WFS1: variants seen among roughly 807,000 people sequenced by gnomAD.
WFS1 encodes wolframin.
Under a neutral mutation model 68.5 loss-of-function variants are expected in WFS1, and 90 were observed. That is an observed-to-expected ratio of 1.31 (90% CI 1.11 to 1.56). The LOEUF (loss-of-function observed/expected upper bound fraction) is 1.56. Among genes scored for constraint, WFS1 ranks in the 40% most tolerant of loss-of-function variants. WFS1 has a pLI of 0.00. For missense variants in WFS1, 1,767 were observed against 1,232.6 expected (o/e 1.43, Z -6.49); for synonymous variants, 860 against 540.7 (o/e 1.59, Z -8.19).
At position 6,300,959 on chromosome 4, in the gene WFS1, G is replaced by T; in HGVS notation, c.1164G>T (p.Leu388=). The T allele has an allele frequency of 6.2e-7, 1 of 1,614,012 alleles. No individual in the cohort carries two copies. Among genetic ancestry groups the T allele is most frequent in the African/African-American group, 1.3e-5 (1 of 75,034 alleles). Residue 388 remains leucine (L), a synonymous_variant, in exon 8 of 8, where the codon CTG becomes CTT. Transcript: ENST00000226760. The part of the protein sequence containing the change: ...TDLLLRFEPN[L]DVEQAEVNFG... ...TGCTGCTGCGCTTCGAGCCCAACCT[G>T]GATGTGGAGCAGGCCGAGGTCAACT...
Position 6,291,308 on chromosome 4 carries a change from A to G in WFS1, c.572A>G (p.Lys191Arg), listed in dbSNP as rs369135542. 1.4e-5 allele frequency: 23 copies of G among 1,613,436 alleles called. 1 individual carries two copies. The African/African-American group carries it at 2.9e-4, about 21-fold the overall frequency. Residue 191 changes from lysine (K) to arginine (R), a missense_variant, in exon 5 of 8, where the codon AAG (lysine) becomes AGG (arginine). Lys to Arg is a conservative substitution (Grantham distance 26). Transcript: ENST00000226760. Reference sequence around the variant, plus strand: ...ATGTACTGGAAGCTCAACCCCAAGAAGAAGAAGCAGGTGGCCGTGGCGGAG... The same window carrying G: ...ATGTACTGGAAGCTCAACCCCAAGAGGAAGAAGCAGGTGGCCGTGGCGGAG... ...LVMYWKLNPK[K>R]KKQVAVAELL...
Position 6,302,509 on chromosome 4 carries a change from G to GAGGCCTTT in WFS1, c.*42_*49dup. 3 of 1,610,034 alleles carry GAGGCCTTT rather than the reference G, an allele frequency of 1.9e-6. No homozygotes were observed. Among genetic ancestry groups the GAGGCCTTT allele is most frequent in the Non-Finnish European group, 2.5e-6 (3 of 1,179,668 alleles). ...AGGAGCTTCCAGTGCATGTTGCCAT[G>GAGGCCTTT]AGGCCTTTCCCCAGTGTGGCCCCAG... On this transcript the variant is annotated 3_prime_UTR_variant, in exon 8 of 8. Coordinates refer to ENST00000226760, the MANE Select transcript of WFS1 (RefSeq NM_006005.3).
At chr4:6,294,953 C>G in intron 6 of WFS1, 88 bp from the exon 7 acceptor site, 1 of 1,602,990 alleles carries the variant, frequency 6.2e-7, no homozygotes, top group Middle Eastern at 1.8e-4. Flanking sequence ...CTTGGCCCCA[C>G]GCCACCGTCC....
At chr4:6,275,618 T>G (rs1729972158) in intron 1 of WFS1, among the ~76,000 whole-genome samples, 1 of 141,636 alleles carries the variant, frequency 7.1e-6, no homozygotes, top group African/African-American at 2.7e-5. Flanking sequence ...GGGGTGTGCT[T>G]GACCATGCAT....
chr4:6,302,094 A>C lies in WFS1; in HGVS notation c.2299A>C (p.Ile767Leu), dbSNP rs779199009. 3.7e-5 allele frequency: 60 copies of C among 1,612,788 alleles called. No individual in the cohort carries two copies. The highest frequency in any genetic ancestry group is 1.6e-4 in the Middle Eastern group (1 of 6,084). Residue 767 changes from isoleucine to leucine, a missense_variant, in exon 8 of 8, where the codon ATC becomes CTC. Ile to Leu is a conservative substitution (Grantham distance 5, BLOSUM62 2). Coordinates refer to ENST00000226760, the MANE Select transcript of WFS1 (RefSeq NM_006005.3). ...GCTGCTGGCCAAGCACCCCTGCCAC[A>C]TCAAGAAGTTCGACCGCTACAAGTT... ...LKLLAKHPCH[I>L]KKFDRYKFEI...
chr4:6,302,413 G>T lies in WFS1; in HGVS notation c.2618G>T (p.Gly873Val). The change falls in exon 8 of 8, where the codon GGC becomes GTC. Residue 873 changes from glycine (G) to valine (V), a missense_variant. Gly to Val is a moderately radical substitution (Grantham distance 109). Transcript: ENST00000226760. Reference protein sequence around the residue: ...IEHDWRSTVHGAVKFAFDFFF... With the variant: ...IEHDWRSTVHVAVKFAFDFFF... ...CACGACTGGCGCAGCACCGTGCATG[G>T]CGCCGTGAAGTTCGCCTTCGACTTC... The T allele has an allele frequency of 1.9e-6, 3 of 1,613,248 alleles. No homozygotes were observed. The highest frequency in any genetic ancestry group is 2.5e-6 in the Non-Finnish European group (3 of 1,180,048).
At chr4:6,294,882 A>C (rs1021470200) in intron 6 of WFS1, 159 bp from the exon 7 acceptor site, 5 of 1,251,240 alleles carry the variant, frequency 4.0e-6, no homozygotes, top group Non-Finnish European at 5.7e-6. Flanking sequence ...CCTGGTCCTC[A>C]ACCCTCAGGC....
rs775493668 is a variant in WFS1, at chr4:6,302,482, C to T, written c.*14C>T. The T allele has an allele frequency of 1.6e-5, 25 of 1,611,970 alleles. No individual in the cohort carries two copies. The Middle Eastern group carries it at 4.9e-4, about 32-fold the overall frequency. ...TCGGCGGCCTGAGGATGGTCCGCCACGAGGAGCTTCCAGTGCATGTTGCCA... is the reference window on the plus strand; with the variant it reads ...TCGGCGGCCTGAGGATGGTCCGCCATGAGGAGCTTCCAGTGCATGTTGCCA... On this transcript the variant is annotated 3_prime_UTR_variant, in exon 8 of 8. Transcript: ENST00000226760.
chr4:6,301,677 A>C lies in WFS1; in HGVS notation c.1882A>C (p.Thr628Pro). The part of the protein sequence containing the change: ...FSVVGMVKSL[T>P]RSSMVKLILV... The stretch of plus-strand genomic sequence containing the variant: ...TGTGGTGGGGATGGTGAAGTCCCTG[A>C]CGCGGAGCTCCATGGTCAAGCTCAT... Residue 628 changes from threonine (T) to proline (P), a missense_variant, in exon 8 of 8, where the codon ACG (threonine) becomes CCG (proline). Physicochemically the swap from Thr to Pro is conservative, Grantham distance 38. Coordinates refer to ENST00000226760, the MANE Select transcript of WFS1 (RefSeq NM_006005.3). 6.2e-7 allele frequency: 1 copy of C among 1,614,018 alleles called. No homozygotes were observed. Among genetic ancestry groups the C allele is most frequent in the East Asian group, 2.2e-5 (1 of 44,858 alleles).
Position 6,301,799 on chromosome 4 carries a change from G to A in WFS1, c.2004G>A (p.Gln668=). The A allele has an allele frequency of 3.7e-6, 6 of 1,613,386 alleles. No individual in the cohort carries two copies. The highest frequency in any genetic ancestry group is 1.1e-5 in the South Asian group (1 of 91,086). ...ACAACTCCACACTGACCTGGCAGCA[G>A]TATGGTGCGCTGTGCGGGCCACGCG... ...KVYNSTLTWQ[Q]YGALCGPRAW... The change falls in exon 8 of 8, where the codon CAG becomes CAA. Residue 668 remains glutamine, a synonymous_variant. Transcript: ENST00000226760.
chr4:6,301,023 C>G lies in WFS1; in HGVS notation c.1228C>G (p.Leu410Val). The G allele has an allele frequency of 6.2e-7, 1 of 1,614,066 alleles. No homozygotes were observed. The highest frequency in any genetic ancestry group is 1.1e-5 in the South Asian group (1 of 91,078). The change falls in exon 8 of 8, where the codon CTC (leucine) becomes GTC (valine). Residue 410 changes from leucine to valine, a missense_variant. Physicochemically the swap from Leu to Val is conservative, Grantham distance 32. Coordinates refer to ENST00000226760, the MANE Select transcript of WFS1 (RefSeq NM_006005.3). ...CCTGGAGCCCTATGCCCATTTCCTG[C>G]TCTCTGTCTTCTTCGTCATCTTCTC... ...NHLEPYAHFL[L>V]SVFFVIFSFP...
In WFS1 at chr4:6,300,831, C is replaced by T. The variant is rs1455847680; in HGVS notation, c.1036C>T (p.Pro346Ser). Residue 346 changes from proline (P) to serine (S), a missense_variant, in exon 8 of 8, where the codon CCG becomes TCG. Pro to Ser is a moderately conservative substitution (Grantham distance 74). Coordinates refer to ENST00000226760, the MANE Select transcript of WFS1 (RefSeq NM_006005.3). The stretch of plus-strand genomic sequence containing the variant: ...CATCGACTTCTTCGCCTTCTTCATC[C>T]CGCTGGTCATCTTCTACCTGTCCTT... The part of the protein sequence containing the change: ...LTIDFFAFFI[P>S]LVIFYLSFIS... 1.2e-6 allele frequency: 2 copies of T among 1,614,004 alleles called. No individual in the cohort carries two copies. The highest frequency in any genetic ancestry group is 1.7e-5 in the Admixed American group (1 of 59,986).
chr4:6,302,587 G>C lies in WFS1; in HGVS notation c.*119G>C. On this transcript the variant is annotated 3_prime_UTR_variant, in exon 8 of 8. Transcript: ENST00000226760. ...GTGCCCACGTGTGCAGACTGTGGCTGCAGAGACCTTGCGACCATGTGTAGA... is the reference window on the plus strand; with the variant it reads ...GTGCCCACGTGTGCAGACTGTGGCTCCAGAGACCTTGCGACCATGTGTAGA... The C allele has an allele frequency of 6.9e-7, 1 of 1,457,542 alleles. No individual in the cohort carries two copies. The highest frequency in any genetic ancestry group is 2.3e-5 in the East Asian group (1 of 42,710). The allele number at this position is 1,457,542 out of a possible 1,614,324, so 90.3% of individuals were successfully genotyped here.
At chr4:6,288,501 G>A in intron 3 of WFS1, 1 of 240,998 alleles carries the variant, frequency 4.1e-6, no homozygotes, top group Non-Finnish European at 8.2e-6. Flanking sequence ...AAAGCAGCAT[G>A]GACAACATGT....
chr4:6,271,010 C>G (rs78855710), intron 1 of WFS1, among the ~76,000 whole-genome samples: 32 of 152,318 alleles, frequency 2.1e-4, no homozygotes, highest in African/African-American at 7.7e-4. Context: ...GGCATTTGGC[C>G]CAGGGCTTTG....
intron 1 of WFS1, among the ~76,000 whole-genome samples, chr4:6,274,189 G>T (rs1176916040): frequency 1.3e-5 from 2 of 151,972 alleles, no homozygotes; most frequent in African/African-American, 4.8e-5. Flanking sequence ...TGGGACTATC[G>T]GCGCCCGCCA....
At chr4:6,298,927 C>G (rs747741352) in intron 7 of WFS1, among the ~76,000 whole-genome samples, 9 of 152,214 alleles carry the variant, frequency 5.9e-5, no homozygotes, top group Admixed American at 2.6e-4. Flanking sequence ...TGGGGGGCTC[C>G]AGCCTGGATG....
At position 6,300,761 on chromosome 4, in the gene WFS1, C is replaced by T. The variant is rs140196582; in HGVS notation, c.966C>T (p.His322=). 225 of 1,613,784 alleles carry T rather than the reference C, an allele frequency of 1.4e-4. No homozygotes were observed. In the African/African-American group the frequency reaches 2.7e-3, roughly 20 times the overall value. The change falls in exon 8 of 8, where the codon CAC becomes CAT. Residue 322 remains histidine (H), a synonymous_variant. Coordinates refer to ENST00000226760, the MANE Select transcript of WFS1 (RefSeq NM_006005.3). ...MHWLSTIIPT[H]HINALIFFFI... is the part of the protein sequence containing the mutation. ...GGCTGTCCACCATCATCCCCACGCA[C>T]CACATCAACGCGCTCATCTTCTTCT...
intron 6 of WFS1, among the ~76,000 whole-genome samples, chr4:6,292,951 C>T (rs1730507743): frequency 1.3e-5 from 2 of 152,224 alleles, no homozygotes; most frequent in African/African-American, 4.8e-5. Flanking sequence ...GAGCCCTCGC[C>T]TCTGCGTGGG....
Sources: gnomAD v4.1 joint callset for allele counts (sites outside exome capture counted in the v4.1 genomes callset) on GRCh38, gnomAD v4.1.1 for gene constraint, MANE v1.5 for transcripts, NCBI Gene and HGNC (gene_info 2026-07-23, HGNC 2026-07-21) for gene names.